Variants in GFRA2 observed in about 807,000 individuals in gnomAD.
GFRA2 encodes GDNF family receptor alpha 2.
GFRA2 carries 17 observed loss-of-function variants against 48.3 expected under a neutral mutation model. The ratio of observed to expected loss-of-function variants is 0.35; its 90% CI spans 0.24 to 0.53. The LOEUF (loss-of-function observed/expected upper bound fraction) is 0.53, where lower values mean the gene tolerates loss of function less well. Among genes scored for constraint, GFRA2 ranks in the 20% least tolerant of loss-of-function variants. The pLI, the probability that GFRA2 is intolerant of heterozygous loss-of-function variation, is 0.93. For synonymous variants in GFRA2, 305 were observed against 257.2 expected (o/e 1.19, Z -1.78); for missense variants, 660 against 637.3 (o/e 1.04, Z -0.38).
chr8:21,778,413 G>A (rs1806814715), intron 2 of GFRA2, among the ~76,000 whole-genome samples: 1 of 152,174 alleles, frequency 6.6e-6, no homozygotes, highest in Non-Finnish European at 1.5e-5. Context: ...AAAAGATGCA[G>A]TCTTCTATGG....
intron 4 of GFRA2, among the ~76,000 whole-genome samples, chr8:21,725,190 A>T (rs151205160): frequency 5.0e-4 from 76 of 152,364 alleles, no homozygotes; most frequent in African/African-American, 1.8e-3. Flanking sequence ...ATACCAGTTC[A>T]TCCCAAGAAG....
chr8:21,700,502 G>C (rs1802420013), intron 7 of GFRA2, among the ~76,000 whole-genome samples: 9 of 152,224 alleles, frequency 5.9e-5, no homozygotes, highest in Admixed American at 5.2e-4. Flanking sequence ...AAAGTCCTTT[G>C]TGGGGAGCAG....
intron 4 of GFRA2, among the ~76,000 whole-genome samples, chr8:21,708,081 C>A (rs1343359514): frequency 6.6e-6 from 1 of 152,200 alleles, no homozygotes; most frequent in Non-Finnish European, 1.5e-5. Flanking sequence ...AGGTGGGCAC[C>A]ATTTCTGGCA....
rs1207327304 is a variant in GFRA2, at chr8:21,788,446, A to C, written c.-287T>G. On this transcript the variant is annotated 5_prime_UTR_variant, in exon 1 of 9. Transcript: ENST00000524240. ...TATCGGCTTTCTAAGCCAACAGCCC[A>C]GTCCTGGGGTCAGCCCTCCCCTCCA... 1 of 1,171,948 alleles carries C rather than the reference A, an allele frequency of 8.5e-7. No individual in the cohort carries two copies. The highest frequency in any genetic ancestry group is 3.1e-5 in the South Asian group (1 of 32,126). The allele number at this position is 1,171,948 out of a possible 1,614,324, so 72.6% of individuals were successfully genotyped here.
In GFRA2 at chr8:21,705,205, CAGCAGGGCAG is replaced by C; in HGVS notation, c.905-90_905-81del. ...TGGGCCCACAGACCAACCCCAGGCA[CAGCAGGGCAG>C]AGGCGTGGTACCCATCCTCTGACCT... On this transcript the variant is annotated intron_variant, in intron 5 of 8. Coordinates refer to ENST00000524240, the MANE Select transcript of GFRA2 (RefSeq NM_001495.5). 3 of 1,448,616 alleles carry C rather than the reference CAGCAGGGCAG, an allele frequency of 2.1e-6. No homozygotes were observed. The Admixed American group carries it at 6.5e-5, about 31-fold the overall frequency. 89.7% of individuals were successfully genotyped at this position (1,448,616 alleles called of 1,614,324 possible).
At chr8:21,739,662 CT>C (rs1804654361) in intron 4 of GFRA2, among the ~76,000 whole-genome samples, 1 of 152,144 alleles carries the variant, frequency 6.6e-6, no homozygotes, top group Non-Finnish European at 1.5e-5. Context: ...TGCCTCCCCC[CT>C]GGGGATGCCC....
chr8:21,710,740 C>T (rs1012777299), intron 4 of GFRA2, among the ~76,000 whole-genome samples: 4 of 152,172 alleles, frequency 2.6e-5, no homozygotes, highest in African/African-American at 9.7e-5. Context: ...TCATAGCAAA[C>T]GGAGGGGGAG....
intron 4 of GFRA2, among the ~76,000 whole-genome samples, chr8:21,748,448 G>A (rs184035989): frequency 6.6e-6 from 1 of 152,038 alleles, no homozygotes; most frequent in African/African-American, 2.4e-5. Flanking sequence ...TCGCCACCAG[G>A]GTTCTATCTC....
intron 6 of GFRA2, among the ~76,000 whole-genome samples, chr8:21,703,602 G>A (rs1392983335): frequency 2.0e-5 from 3 of 152,150 alleles, no homozygotes; most frequent in South Asian, 2.1e-4. Flanking sequence ...CCTTGTCAAC[G>A]CTCCTTTCCC....
chr8:21,739,114 C>T (rs1254797359), intron 4 of GFRA2, among the ~76,000 whole-genome samples: 2 of 152,224 alleles, frequency 1.3e-5, no homozygotes, highest in African/African-American at 4.8e-5. Context: ...CGAAGGGTTC[C>T]TCCTGGACTC....
chr8:21,699,909 T>A (rs1484000455), intron 7 of GFRA2, among the ~76,000 whole-genome samples: 2 of 152,150 alleles, frequency 1.3e-5, no homozygotes, highest in African/African-American at 2.4e-5. Context: ...GAGGGTGAGA[T>A]GCCACTATGG....
At chr8:21,802,749 G>T (rs1415321580) in intron 2 of GFRA2, among the ~76,000 whole-genome samples, 4 of 152,170 alleles carry the variant, frequency 2.6e-5, no homozygotes, top group African/African-American at 9.7e-5. Flanking sequence ...TGGAAGCTAT[G>T]GTGGTAGAAT....
chr8:21,768,653 C>T (rs1806296113), intron 3 of GFRA2, among the ~76,000 whole-genome samples: 1 of 152,108 alleles, frequency 6.6e-6, no homozygotes, highest in Non-Finnish European at 1.5e-5. Context: ...AAGCCGGGCC[C>T]AATCCTCCCA....
Position 21,715,092 on chromosome 8 carries a change from C to T in GFRA2, c.795-9051G>A, listed in dbSNP as rs1033377284. Among the ~76,000 whole-genome samples, 4 of 152,208 alleles carry T rather than the reference C, an allele frequency of 2.6e-5. No homozygotes were observed. In the South Asian group the frequency reaches 6.2e-4, roughly 24 times the overall value. On this transcript the variant is annotated intron_variant, in intron 4 of 8. Transcript: ENST00000524240. ...CCACATGGCTGCTTTCCCACACCTC[C>T]AGGGCTCACTGTGGACAACCTGATC... is the stretch of plus-strand genomic sequence containing the variant.
At chr8:21,797,217 G>T (rs1298018009) in intron 2 of GFRA2, among the ~76,000 whole-genome samples, 2 of 151,540 alleles carry the variant, frequency 1.3e-5, no homozygotes, top group Non-Finnish European at 2.9e-5. Flanking sequence ...TTGACTCAGG[G>T]GCTGCATTCT....
At chr8:21,787,891 T>C (rs935387485) in intron 1 of GFRA2, among the ~76,000 whole-genome samples, 25 of 152,016 alleles carry the variant, frequency 1.6e-4, no homozygotes, top group Non-Finnish European at 2.8e-4. Context: ...CTGGTTCGGA[T>C]GTTGAGTCTC....
rs1469775878 is a variant in GFRA2, at chr8:21,788,565, G to A, written c.-406C>T. On this transcript the variant is annotated 5_prime_UTR_variant, in exon 1 of 9. Coordinates refer to ENST00000524240, the MANE Select transcript of GFRA2 (RefSeq NM_001495.5). ...GTGGGGAGAGAGGCGATTTGCGAGT[G>A]AAGGGCTGGAAGGAAGCGGCGAGGG... is the stretch of plus-strand genomic sequence containing the variant. 6 of 1,006,896 alleles carry A rather than the reference G, an allele frequency of 6.0e-6. No homozygotes were observed. The highest frequency in any genetic ancestry group is 7.1e-6 in the Non-Finnish European group (6 of 844,802). The allele number at this position is 1,006,896 out of a possible 1,614,324, so 62.4% of individuals were successfully genotyped here.
At chr8:21,732,690 A>G (rs951158192) in intron 4 of GFRA2, among the ~76,000 whole-genome samples, 1 of 152,372 alleles carries the variant, frequency 6.6e-6, no homozygotes, top group Non-Finnish European at 1.5e-5. Flanking sequence ...CACTGCAGCT[A>G]CATTTCCTGC....
rs1038225512 is a variant in GFRA2, at chr8:21,692,459, G to T, written c.*819C>A. The stretch of plus-strand genomic sequence containing the variant: ...TCTCCCCTCCCTCTCCCCAAAGGGA[G>T]GCCTGCCAAAGGACCCACGAGAAAG... On this transcript the variant is annotated 3_prime_UTR_variant, in exon 9 of 9. Transcript: ENST00000524240. 1.3e-5 allele frequency: 2 copies of T among 151,978 alleles called. No homozygotes were observed. Among genetic ancestry groups the T allele is most frequent in the African/African-American group, 4.8e-5 (2 of 41,374 alleles). 9.4% of individuals were successfully genotyped at this position (151,978 alleles called of 1,614,324 possible). A position where few individuals can be genotyped will look rare whatever the true frequency, so the allele number is the denominator to read the frequency against.
Sources: gnomAD v4.1 joint callset for allele counts (sites outside exome capture counted in the v4.1 genomes callset) on GRCh38, gnomAD v4.1.1 for gene constraint, MANE v1.5 for transcripts, NCBI Gene and HGNC (gene_info 2026-07-23, HGNC 2026-07-21) for gene names.